MAPT: variants seen among roughly 807,000 people sequenced by gnomAD.
MAPT encodes the protein microtubule-associated protein tau.
Under a neutral mutation model 67.9 loss-of-function variants are expected in MAPT, and 34 were observed. The ratio of observed to expected loss-of-function variants is 0.50; its 90% confidence interval spans 0.38 to 0.67. MAPT has a LOEUF of 0.67. MAPT is among the 30% of genes least tolerant of loss of function. The pLI, the probability that MAPT is intolerant of heterozygous loss-of-function variation, is 0.00. For missense variants in MAPT, 881 were observed against 1,115.2 expected (o/e 0.79, Z 2.99); for synonymous variants, 456 against 464.5 (o/e 0.98, Z 0.23).
intron 9 of MAPT, among the ~76,000 whole-genome samples, chr17:45,998,731 A>T (rs2074726047): frequency 6.6e-6 from 1 of 151,942 alleles, no homozygotes; most frequent in Admixed American, 6.6e-5. Context: ...GCTGAGGGAA[A>T]CTGTCCTGCG....
intron 12 of MAPT, among the ~76,000 whole-genome samples, chr17:46,019,723 G>A (rs1449857565): frequency 1.3e-5 from 2 of 151,230 alleles, no homozygotes; most frequent in Non-Finnish European, 3.0e-5. Context: ...AGTCAAAAGT[G>A]AGAACTGGCT....
In MAPT at chr17:45,978,387, G is replaced by A. The variant is rs144397565; in HGVS notation, c.233G>A (p.Gly78Asp). Reference sequence around the variant, plus strand: ...ACACATACACCAGCTGAAGAAGCAGGCATTGGAGACACCCCCAGCCTGGAA... The same window carrying A: ...ACACATACACCAGCTGAAGAAGCAGACATTGGAGACACCCCCAGCCTGGAA... ...STPTAEAEEA[G>D]IGDTPSLEDE... Residue 78 changes from glycine to aspartate, a missense_variant, in exon 4 of 13, where the codon GGC (glycine) becomes GAC (aspartate). By Grantham distance (94) the Gly-to-Asp change is moderately conservative. Coordinates refer to ENST00000262410, the MANE Select transcript of MAPT (RefSeq NM_001377265.1). 2.7e-5 allele frequency: 43 copies of A among 1,613,778 alleles called. No homozygotes were observed. In the African/African-American group the frequency reaches 5.3e-4, roughly 20 times the overall value.
intron 5 of MAPT, among the ~76,000 whole-genome samples, chr17:45,986,760 G>A (rs117140966): frequency 4.5e-3 from 685 of 152,312 alleles, no homozygotes; most frequent in Middle Eastern, 0.01. Context: ...TCATGTCCCC[G>A]TGACAGTTTC....
intron 1 of MAPT, chr17:45,895,160 C>T (rs561567389): frequency 6.5e-6 from 1 of 152,808 alleles, no homozygotes; most frequent in East Asian, 1.9e-4. Flanking sequence ...TCGCCATCAG[C>T]TCTAAGAAAG....
rs2063374461 is a variant in MAPT, at chr17:45,897,969, TTTACTG to T, written c.-18+3285_-18+3290del. ...TTATATTTACTGTATAAGCATTGTA[TTTACTG>T]TATAAGCATTGTATTATAATTACTG... On this transcript the variant is annotated intron_variant, in intron 1 of 12. Transcript: ENST00000262410. The surrounding 1 kb of genome is among the most constrained non-coding windows in gnomAD (Gnocchi z 5.0). 1 of 152,218 alleles carries T rather than the reference TTTACTG, an allele frequency of 6.6e-6. No homozygotes were observed. Among genetic ancestry groups the T allele is most frequent in the Non-Finnish European group, 1.5e-5 (1 of 68,030 alleles). 9.4% of individuals were successfully genotyped at this position (152,218 alleles called of 1,614,324 possible). A position where few individuals can be genotyped will look rare whatever the true frequency, so the allele number is the denominator to read the frequency against.
At chr17:45,964,694 A>G (rs1214454141) in intron 2 of MAPT, among the ~76,000 whole-genome samples, 2 of 151,564 alleles carry the variant, frequency 1.3e-5, no homozygotes, top group African/African-American at 4.9e-5. Flanking sequence ...TAATAATAAT[A>G]ATAAATAAAT....
chr17:45,960,658 A>G (rs2070289255), intron 1 of MAPT, among the ~76,000 whole-genome samples: 1 of 152,206 alleles, frequency 6.6e-6, no homozygotes, highest in Non-Finnish European at 1.5e-5. Context: ...TTTACTCAAA[A>G]TATGAATAGA....
chr17:45,996,475 C>T lies in MAPT; in HGVS notation c.1809C>T (p.Arg603=). 1 of 1,613,278 alleles carries T rather than the reference C, an allele frequency of 6.2e-7. No homozygotes were observed. The highest frequency in any genetic ancestry group is 8.5e-7 in the Non-Finnish European group (1 of 1,179,936). ...CAGGCACTCCCGGCAGCCGCTCCCG[C>T]ACCCCGTCCCTTCCAACCCCACCCA... ...GSPGTPGSRS[R]TPSLPTPPTR... The change falls in exon 9 of 13, where the codon CGC becomes CGT. Residue 603 remains arginine (R), a synonymous_variant. Transcript: ENST00000262410. The surrounding 1 kb of genome is among the most constrained non-coding windows in gnomAD (Gnocchi z 4.5).
intron 12 of MAPT, among the ~76,000 whole-genome samples, chr17:46,020,608 G>A (rs1279726625): frequency 2.0e-5 from 3 of 152,218 alleles, no homozygotes; most frequent in Admixed American, 1.3e-4. Context: ...CCACGTGACT[G>A]GGGAGGCCTG....
rs2075756129 is a variant in MAPT, at chr17:46,010,562, T to G, written c.2091+160T>G. Among the ~76,000 whole-genome samples, 1 of 151,942 alleles carries G rather than the reference T, an allele frequency of 6.6e-6. No homozygotes were observed. ...GTGAATGTAGCCCGGCTCCCCACAT[T>G]CCCCCACACGGTCCACTGTTCCCAG... is the stretch of plus-strand genomic sequence containing the variant. On this transcript the variant is annotated intron_variant, in intron 10 of 12. Coordinates refer to ENST00000262410, the MANE Select transcript of MAPT (RefSeq NM_001377265.1). The surrounding 1 kb of genome is among the most constrained non-coding windows in gnomAD (Gnocchi z 4.7).
chr17:45,894,763 C>T (rs1025991509), intron 1 of MAPT, 77 bp downstream of exon 1: 2 of 152,732 alleles, frequency 1.3e-5, no homozygotes, highest in African/African-American at 2.4e-5. Flanking sequence ...CGCCCTCCCT[C>T]TCCGCAGACT....
At chr17:45,932,513 C>T (rs1009586779) in intron 1 of MAPT, among the ~76,000 whole-genome samples, 2 of 146,916 alleles carry the variant, frequency 1.4e-5, no homozygotes, top group Admixed American at 1.4e-4. Context: ...TCGCTTGCAC[C>T]TGAGAGGTGG....
chr17:46,022,314 A>C (rs1162282599), intron 12 of MAPT, among the ~76,000 whole-genome samples: 1 of 149,582 alleles, frequency 6.7e-6, no homozygotes, highest in African/African-American at 2.5e-5. Context: ...AGATCGTGCC[A>C]CTGCACTCCA....
intron 9 of MAPT, among the ~76,000 whole-genome samples, chr17:46,000,273 CCTTTGTGCTTTTCTCTGTTTTCTT>C (rs1167117928): frequency 2.0e-5 from 3 of 152,248 alleles, no homozygotes; most frequent in South Asian, 2.1e-4. Flanking sequence ...TCTGTTTTCC[CCTTTGTGCTTTTCTCTGTTTTCTT>C]CTTTGTGCTT....
rs112318043 is a variant in MAPT, at chr17:46,006,780, G to A, written c.1999-3530G>A. On this transcript the variant is annotated intron_variant, in intron 9 of 12. Coordinates refer to ENST00000262410, the MANE Select transcript of MAPT (RefSeq NM_001377265.1). ...ATACAAAAAAAAGAAAAAATTAGCC[G>A]GGCATGGTGGTGGGCGCCTGTAGTC... is the stretch of plus-strand genomic sequence containing the variant. Among the ~76,000 whole-genome samples the A allele has an allele frequency of 4.2e-3, 645 of 151,940 alleles. 9 individuals carry two copies. The highest frequency in any genetic ancestry group is 0.015 in the African/African-American group (619 of 41,470).
At chr17:45,956,577 TATATATATATATATATATATATA>T (rs1568230744) in intron 1 of MAPT, among the ~76,000 whole-genome samples, 341 of 6,272 alleles carry the variant, frequency 0.054, 8 homozygotes, top group Middle Eastern at 0.25. Context: ...TATATATATA[TATATATATATATATATATATATA>T]TTTTTTATTA....
In MAPT at chr17:46,024,561, A is replaced by G. The variant is rs1339762544; in HGVS notation, c.*390A>G. On this transcript the variant is annotated 3_prime_UTR_variant, in exon 13 of 13. Transcript: ENST00000262410. ...GGATTTCAAGGGACTGGGGGTGCCA[A>G]CCACCTCTGGCCCTGTTGTGGGGGT... 8.7e-6 allele frequency: 3 copies of G among 346,098 alleles called. No individual in the cohort carries two copies. The highest frequency in any genetic ancestry group is 2.5e-5 in the South Asian group (1 of 39,870). The allele number at this position is 346,098 out of a possible 1,614,324, so 21.4% of individuals were successfully genotyped here.
chr17:45,959,504 TC>T (rs2070138423), intron 1 of MAPT, among the ~76,000 whole-genome samples: 1 of 152,166 alleles, frequency 6.6e-6, no homozygotes, highest in Admixed American at 6.5e-5. Context: ...GTGATGCTTC[TC>T]AAAATTCTAT....
intron 12 of MAPT, among the ~76,000 whole-genome samples, chr17:46,021,808 GAAGGGTA>G (rs1227531263): frequency 1.3e-5 from 2 of 152,114 alleles, no homozygotes; most frequent in Non-Finnish European, 2.9e-5. Context: ...GATAGCTCAG[GAAGGGTA>G]GGCAGGGCCC....
Sources: allele counts gnomAD v4.1 joint callset (sites outside exome capture counted in the v4.1 genomes callset), GRCh38; gene constraint gnomAD v4.1.1; non-coding constraint Gnocchi (gnomAD v3.1); transcripts MANE v1.5; gene names NCBI Gene and HGNC (gene_info 2026-07-23, HGNC 2026-07-21).